Variants in TBL1XR1 observed in about 807,000 individuals in gnomAD.
The protein encoded by TBL1XR1 is TBL1X/Y related 1.
TBL1XR1 carries 5 observed loss-of-function variants against 66.9 expected under a neutral mutation model. The observed-to-expected ratio is 0.07, with a 90% CI of 0.04 to 0.16. The LOEUF is 0.16. Ranked by LOEUF, TBL1XR1 falls within the 10% of genes least tolerant of loss-of-function variation. TBL1XR1 has a pLI of 1.00. For missense variants in TBL1XR1, 238 were observed against 623.2 expected (o/e 0.38, Z 6.58); for synonymous variants, 210 against 206.0 (o/e 1.02, Z -0.17).
intron 1 of TBL1XR1, among the ~76,000 whole-genome samples, chr3:177,180,391 T>C (rs1292135495): frequency 1.4e-4 from 17 of 125,072 alleles, no homozygotes; most frequent in African/African-American, 5.1e-4. Flanking sequence ...CCCCATTTAA[T>C]AGTACCTTGT....
At chr3:177,193,743 A>C (rs2109017374) in intron 1 of TBL1XR1, among the ~76,000 whole-genome samples, 1 of 136,048 alleles carries the variant, frequency 7.4e-6, no homozygotes, top group South Asian at 2.4e-4. Context: ...GATTAGAAAC[A>C]CAAGTTTTTG....
intron 1 of TBL1XR1, among the ~76,000 whole-genome samples, chr3:177,172,010 A>T (rs1733574880): frequency 6.6e-6 from 1 of 152,172 alleles, no homozygotes; most frequent in Non-Finnish European, 1.5e-5. Flanking sequence ...TCACGCCTGT[A>T]ATCCCAGCAC....
At chr3:177,174,266 G>A (rs527740190) in intron 1 of TBL1XR1, among the ~76,000 whole-genome samples, 11 of 151,936 alleles carry the variant, frequency 7.2e-5, no homozygotes, top group South Asian at 2.1e-4. Context: ...AAAATTAGCC[G>A]GCCGGAGTGG....
At chr3:177,046,711 C>T (rs1716370822) in intron 9 of TBL1XR1, among the ~76,000 whole-genome samples, 1 of 152,062 alleles carries the variant, frequency 6.6e-6, no homozygotes, top group African/African-American at 2.4e-5. Context: ...TTTTCTTCCC[C>T]TTTTGCCACT....
intron 2 of TBL1XR1, among the ~76,000 whole-genome samples, chr3:177,086,607 G>A (rs376563511): frequency 6.6e-6 from 1 of 151,980 alleles, no homozygotes; most frequent in Non-Finnish European, 1.5e-5. Context: ...TATAATTAGA[G>A]CCCACAATTT....
intron 2 of TBL1XR1, among the ~76,000 whole-genome samples, chr3:177,081,172 C>T (rs181890670): frequency 1.4e-4 from 21 of 152,310 alleles, no homozygotes; most frequent in Middle Eastern, 3.4e-3. Context: ...TCTCCTAATA[C>T]GACATTCAGA....
intron 2 of TBL1XR1, among the ~76,000 whole-genome samples, chr3:177,098,252 A>G (rs893061866): frequency 3.3e-5 from 5 of 152,058 alleles, no homozygotes; most frequent in African/African-American, 1.2e-4. Flanking sequence ...AATTTTCAAA[A>G]GTAGCAATTT....
At chr3:177,047,582 A>C (rs1267183341) in intron 7 of TBL1XR1, 33 bp from the exon 8 acceptor site, 1 of 1,578,690 alleles carries the variant, frequency 6.3e-7, no homozygotes, top group Non-Finnish European at 8.7e-7. Context: ...TAATTATATA[A>C]TCTAGATACG....
intron 1 of TBL1XR1, among the ~76,000 whole-genome samples, chr3:177,171,067 G>A (rs558144738): frequency 1.3e-5 from 2 of 152,170 alleles, no homozygotes; most frequent in African/African-American, 4.8e-5. Context: ...AAATCCAGGC[G>A]CGGTGGCTCA....
At chr3:177,058,936 A>G (rs1259811163) in intron 3 of TBL1XR1, among the ~76,000 whole-genome samples, 1 of 152,238 alleles carries the variant, frequency 6.6e-6, no homozygotes, top group Non-Finnish European at 1.5e-5. Flanking sequence ...AAAAAAAAAG[A>G]ATTGTAATTA....
intron 13 of TBL1XR1, among the ~76,000 whole-genome samples, chr3:177,033,510 T>C (rs1367276766): frequency 6.6e-6 from 1 of 152,172 alleles, no homozygotes; most frequent in Non-Finnish European, 1.5e-5. Context: ...TTTTTCCATT[T>C]ATCTTTTTTT....
rs146832727 is a variant in TBL1XR1, at chr3:177,039,561, G to A, written c.926-1127C>T. 2.2e-3 allele frequency among the ~76,000 whole-genome samples: 338 copies of A among 152,286 alleles called. 6 individuals carry two copies. The highest frequency in any genetic ancestry group is 2.9e-3 in the Non-Finnish European group (198 of 68,024). ...AATCTCTGAAGCCCCAAAGCAGGCT[G>A]GCATTTAATACTTTGAGTTTAGCTC... On this transcript the variant is annotated intron_variant, in intron 10 of 15. Transcript: ENST00000457928.
chr3:177,196,029 A>G (rs1255039959), intron 1 of TBL1XR1, among the ~76,000 whole-genome samples: 2 of 152,156 alleles, frequency 1.3e-5, no homozygotes, highest in African/African-American at 4.8e-5. Flanking sequence ...CAAAGAGAGC[A>G]TTTTTTAAAA....
intron 1 of TBL1XR1, among the ~76,000 whole-genome samples, chr3:177,132,282 G>A (rs1728395298): frequency 6.6e-6 from 1 of 152,136 alleles, no homozygotes; most frequent in Non-Finnish European, 1.5e-5. Flanking sequence ...TGTTCTCTGC[G>A]CACATCAGTG....
intron 1 of TBL1XR1, among the ~76,000 whole-genome samples, chr3:177,107,584 C>G (rs1440442416): frequency 7.2e-5 from 11 of 152,128 alleles, no homozygotes; most frequent in Admixed American, 7.2e-4. Flanking sequence ...TTCAATTTAA[C>G]TTGTTCACCA....
chr3:177,128,527 C>A (rs572616475), intron 1 of TBL1XR1, among the ~76,000 whole-genome samples: 1 of 152,136 alleles, frequency 6.6e-6, no homozygotes, highest in African/African-American at 2.4e-5. Context: ...ATGCATCCCA[C>A]CACGCCTGGT....
intron 1 of TBL1XR1, among the ~76,000 whole-genome samples, chr3:177,120,352 G>A (rs1726841482): frequency 6.6e-6 from 1 of 152,038 alleles, no homozygotes; most frequent in South Asian, 2.1e-4. Context: ...TAACATACCA[G>A]TCATTTTATA....
chr3:177,096,869 G>T (rs1178979532), intron 2 of TBL1XR1, among the ~76,000 whole-genome samples: 1 of 152,080 alleles, frequency 6.6e-6, no homozygotes, highest in South Asian at 2.1e-4. Context: ...CTTGGCTTGG[G>T]GGGTGGGGAC....
At chr3:177,191,224 G>A (rs1005016345) in intron 1 of TBL1XR1, among the ~76,000 whole-genome samples, 2 of 152,136 alleles carry the variant, frequency 1.3e-5, no homozygotes, top group African/African-American at 4.8e-5. Context: ...ATCCATTATG[G>A]GTTCTCCAGC....
Sources: gnomAD v4.1 joint callset for allele counts (sites outside exome capture counted in the v4.1 genomes callset) on GRCh38, gnomAD v4.1.1 for gene constraint, MANE v1.5 for transcripts, NCBI Gene and HGNC (gene_info 2026-07-23, HGNC 2026-07-21) for gene names.